Variants in MRPL42 observed in about 807,000 individuals in gnomAD.
MRPL42 encodes the protein large ribosomal subunit protein mL42.
Under a neutral mutation model 17.9 loss-of-function variants are expected in MRPL42, and 17 were observed. The ratio of observed to expected loss-of-function variants is 0.95; its 90% CI spans 0.65 to 1.42. MRPL42 has a LOEUF of 1.42. Ranked by LOEUF, MRPL42 falls within the 40% of genes most tolerant of loss-of-function variation. MRPL42 has a pLI of 0.00. For missense variants in MRPL42, 177 were observed against 175.2 expected (o/e 1.01, Z -0.06); for synonymous variants, 59 against 54.4 (o/e 1.08, Z -0.37).
chr12:93,486,234 T>C (rs978115871), intron 4 of MRPL42, among the ~76,000 whole-genome samples: 1 of 152,194 alleles, frequency 6.6e-6, no homozygotes, highest in Non-Finnish European at 1.5e-5. Context: ...ATCATTAACT[T>C]TGGGGGAAAG....
Position 93,512,641 on chromosome 12 carries a change from C to T in MRPL42, c.*11420C>T, listed in dbSNP as rs903132686. 6.6e-6 allele frequency: 1 copy of T among 152,364 alleles called. No homozygotes were observed. The highest frequency in any genetic ancestry group is 1.5e-5 in the Non-Finnish European group (1 of 68,042). 9.4% of individuals were successfully genotyped at this position (152,364 alleles called of 1,614,324 possible). ...AAGCAAAAGGTAGAAGCTTGAAAGA[C>T]CAGAGTTGCTACAGATTGTTATTAC... On this transcript the variant is annotated 3_prime_UTR_variant, in exon 6 of 6. Coordinates refer to ENST00000549982, the MANE Select transcript of MRPL42 (RefSeq NM_014050.4).
rs1953725382 is a variant in MRPL42, at chr12:93,511,515, T to A, written c.*10294T>A. On this transcript the variant is annotated 3_prime_UTR_variant, in exon 6 of 6. Transcript: ENST00000549982. ...GGAGACTGTGTGGCAAAGAAAGTAC[T>A]TCAATTACCAGTTACCAACACACAA... The A allele has an allele frequency of 6.6e-6, 1 of 152,148 alleles. No individual in the cohort carries two copies. Among genetic ancestry groups the A allele is most frequent in the African/African-American group, 2.4e-5 (1 of 41,434 alleles). The allele number at this position is 152,148 out of a possible 1,614,324, so 9.4% of individuals were successfully genotyped here. A position where few individuals can be genotyped will look rare whatever the true frequency, so the allele number is the denominator to read the frequency against.
chr12:93,495,324 A>C (rs1013086463), intron 5 of MRPL42, among the ~76,000 whole-genome samples: 1 of 152,174 alleles, frequency 6.6e-6, no homozygotes, highest in African/African-American at 2.4e-5. Context: ...ATGTCAACTA[A>C]GGAAGACTAA....
At chr12:93,500,553 G>C (rs1336815886) in intron 5 of MRPL42, among the ~76,000 whole-genome samples, 1 of 152,044 alleles carries the variant, frequency 6.6e-6, no homozygotes, top group East Asian at 1.9e-4. Context: ...ACATGATTTT[G>C]CATTTATAGA....
At position 93,513,773 on chromosome 12, in the gene MRPL42, ACTAATTTCATTTTATAATTTATAAAAGT is replaced by A. The variant is rs1217205286; in HGVS notation, c.*12553_*12580del. On this transcript the variant is annotated 3_prime_UTR_variant, in exon 6 of 6. Transcript: ENST00000549982. ...GCTTTTAAAAAATGTTTTTCATTCT[ACTAATTTCATTTTATAATTTATAAAAGT>A]ACTAGACCACAATGGATTAAAGAAC... The A allele has an allele frequency of 2.6e-5, 4 of 152,260 alleles. No homozygotes were observed. The East Asian group carries it at 7.7e-4, about 29-fold the overall frequency. 9.4% of individuals were successfully genotyped at this position (152,260 alleles called of 1,614,324 possible).
At chr12:93,494,091 A>T (rs371537589) in intron 5 of MRPL42, among the ~76,000 whole-genome samples, 1,697 of 146,320 alleles carry the variant, frequency 0.012, 38 homozygotes, top group African/African-American at 0.041. Context: ...GAACAAGGAA[A>T]AGACAGTAGG....
At chr12:93,494,479 G>A (rs1324142228) in intron 5 of MRPL42, among the ~76,000 whole-genome samples, 1 of 152,184 alleles carries the variant, frequency 6.6e-6, no homozygotes. Context: ...TGGTACCAAG[G>A]TTTTTGGCCC....
At chr12:93,472,480 C>T (rs1334161419) in intron 2 of MRPL42, among the ~76,000 whole-genome samples, 1 of 152,088 alleles carries the variant, frequency 6.6e-6, no homozygotes, top group Non-Finnish European at 1.5e-5. Flanking sequence ...CCAGCTTACT[C>T]AGGAGGCTGA....
intron 4 of MRPL42, among the ~76,000 whole-genome samples, chr12:93,481,878 A>G (rs1394808043): frequency 6.6e-6 from 1 of 152,158 alleles, no homozygotes; most frequent in Non-Finnish European, 1.5e-5. Flanking sequence ...TCCCTCATGT[A>G]TCTCACACAT....
chr12:93,494,513 G>C (rs1035111208), intron 5 of MRPL42, among the ~76,000 whole-genome samples: 1 of 152,176 alleles, frequency 6.6e-6, no homozygotes, highest in African/African-American at 2.4e-5. Context: ...AATAGAACTG[G>C]CATTAACTGA....
chr12:93,497,866 G>T (rs1016367662), intron 5 of MRPL42, among the ~76,000 whole-genome samples: 2 of 150,758 alleles, frequency 1.3e-5, no homozygotes, highest in African/African-American at 4.9e-5. Context: ...AAACACTCTA[G>T]GCCTACAACT....
chr12:93,469,696 A>G (rs1016203639), intron 2 of MRPL42, among the ~76,000 whole-genome samples: 2 of 152,202 alleles, frequency 1.3e-5, no homozygotes, highest in East Asian at 3.8e-4. Context: ...TGTGACTGTC[A>G]TGTAGCTGTT....
chr12:93,499,746 T>G (rs2121275634), intron 5 of MRPL42, among the ~76,000 whole-genome samples: 1 of 152,336 alleles, frequency 6.6e-6, no homozygotes, highest in Non-Finnish European at 1.5e-5. Context: ...TCATTTCAAC[T>G]TAATTCCTGT....
intron 4 of MRPL42, among the ~76,000 whole-genome samples, chr12:93,486,643 A>G (rs1880755069): frequency 6.6e-6 from 1 of 151,972 alleles, no homozygotes; most frequent in Non-Finnish European, 1.5e-5. Flanking sequence ...CGGCCAAAAA[A>G]TGTCATTTTC....
Position 93,509,457 on chromosome 12 carries a change from T to C in MRPL42, c.*8236T>C, listed in dbSNP as rs1224620757. 6.6e-6 allele frequency: 1 copy of C among 152,096 alleles called. No homozygotes were observed. Among genetic ancestry groups the C allele is most frequent in the Non-Finnish European group, 1.5e-5 (1 of 68,028 alleles). The allele number at this position is 152,096 out of a possible 1,614,324, so 9.4% of individuals were successfully genotyped here. On this transcript the variant is annotated 3_prime_UTR_variant, in exon 6 of 6. Transcript: ENST00000549982. The stretch of plus-strand genomic sequence containing the variant: ...ATCTGTTCAAATCATTTGCTCTTTT[T>C]TTTTTCTTAGCACTTAAAAAAGACT...
At chr12:93,484,620 A>C (rs1198858496) in intron 4 of MRPL42, among the ~76,000 whole-genome samples, 1 of 152,014 alleles carries the variant, frequency 6.6e-6, no homozygotes, top group Admixed American at 6.6e-5. Context: ...TATTTCAGGC[A>C]GAATCTTGCC....
rs1294389616 is a variant in MRPL42, at chr12:93,508,788, C to G, written c.*7567C>G. 6.6e-6 allele frequency: 1 copy of G among 152,172 alleles called. No individual in the cohort carries two copies. Among genetic ancestry groups the G allele is most frequent in the Non-Finnish European group, 1.5e-5 (1 of 68,036 alleles). The allele number at this position is 152,172 out of a possible 1,614,324, so 9.4% of individuals were successfully genotyped here. On this transcript the variant is annotated 3_prime_UTR_variant, in exon 6 of 6. Coordinates refer to ENST00000549982, the MANE Select transcript of MRPL42 (RefSeq NM_014050.4). The stretch of plus-strand genomic sequence containing the variant: ...ACACTTACTTATAAGCCATCTCTAC[C>G]TGAATTAGCAATCATGGATAAGCTC...
intron 4 of MRPL42, among the ~76,000 whole-genome samples, chr12:93,481,801 CCAGCTCCAAGAATT>C (rs1880479351): frequency 6.6e-6 from 1 of 152,162 alleles, no homozygotes; most frequent in Non-Finnish European, 1.5e-5. Context: ...TCTTGGTCTC[CCAGCTCCAAGAATT>C]ATTCATTCCC....
rs1029281223 is a variant in MRPL42, at chr12:93,515,405, G to A, written c.*14184G>A. The A allele has an allele frequency of 1.2e-4, 18 of 145,336 alleles. No individual in the cohort carries two copies. Among genetic ancestry groups the A allele is most frequent in the Non-Finnish European group, 2.5e-4 (17 of 66,948 alleles). 9.0% of individuals were successfully genotyped at this position (145,336 alleles called of 1,614,324 possible). A position where few individuals can be genotyped will look rare whatever the true frequency, so the allele number is the denominator to read the frequency against. On this transcript the variant is annotated 3_prime_UTR_variant, in exon 6 of 6. Coordinates refer to ENST00000549982, the MANE Select transcript of MRPL42 (RefSeq NM_014050.4). ...TTTTTTTGAGACAGAGACTTGCTGT[G>A]TTGCCCAGGCTGGAGTGCAGTGGGG...
Sources: allele counts gnomAD v4.1 joint callset (sites outside exome capture counted in the v4.1 genomes callset), GRCh38; gene constraint gnomAD v4.1.1; transcripts MANE v1.5; gene names NCBI Gene and HGNC (gene_info 2026-07-23, HGNC 2026-07-21).